DSP: variants seen among roughly 807,000 people sequenced by gnomAD.
DSP encodes desmoplakin.
Under a neutral mutation model 290.6 loss-of-function variants are expected in DSP, and 114 were observed. The observed-to-expected ratio is 0.39, with a 90% CI of 0.34 to 0.46. The LOEUF (loss-of-function observed/expected upper bound fraction) is 0.46, where lower values mean the gene tolerates loss of function less well. DSP is among the 20% of genes least tolerant of loss of function. DSP has a pLI of 0.99. For missense variants in DSP, 3,230 were observed against 3,495.8 expected (o/e 0.92, Z 1.92); for synonymous variants, 1,311 against 1,316.4 (o/e 1.00, Z 0.09).
At chr6:7,576,521 C>T in intron 19 of DSP, 65 bp downstream of exon 19, 1 of 1,597,874 alleles carries the variant, frequency 6.3e-7, no homozygotes, top group Non-Finnish European at 8.6e-7. Context: ...ATGTTTTCCT[C>T]TGGTTTTTGT....
At chr6:7,550,221 T>G (rs1429099799) in intron 1 of DSP, among the ~76,000 whole-genome samples, 3 of 151,434 alleles carry the variant, frequency 2.0e-5, no homozygotes, top group Admixed American at 6.6e-5. Flanking sequence ...CTGTTTTGTT[T>G]TTGTTTTTTT....
intron 1 of DSP, among the ~76,000 whole-genome samples, chr6:7,547,385 G>A (rs1345857638): frequency 6.6e-6 from 1 of 152,004 alleles, no homozygotes; most frequent in Non-Finnish European, 1.5e-5. Flanking sequence ...GTGAGAAGCT[G>A]CAGCAAACAG....
intron 1 of DSP, among the ~76,000 whole-genome samples, chr6:7,542,306 T>C (rs1191897267): frequency 6.6e-6 from 1 of 152,014 alleles, no homozygotes. Flanking sequence ...GGTCGTACCT[T>C]TCTCCCCTCC....
chr6:7,579,874 AGAG>A lies in DSP; in HGVS notation c.3687_3689del (p.Glu1229del). ...CCATCAAGGAGATATCCATGCAAAA[AGAG>A]GATGATTCCAAAAATCTTAGAAACC... is the stretch of plus-strand genomic sequence containing the variant. On this transcript the variant is annotated inframe_deletion, in exon 23 of 24. Transcript: ENST00000379802. This position sits in a 1 kb window ranked among gnomAD's most constrained non-coding sequence, Gnocchi z 4.1. 1 of 1,614,188 alleles carries A rather than the reference AGAG, an allele frequency of 6.2e-7. No individual in the cohort carries two copies. Among genetic ancestry groups the A allele is most frequent in the Non-Finnish European group, 8.5e-7 (1 of 1,180,038 alleles).
At chr6:7,573,990 T>C (rs557524030) in intron 15 of DSP, 96 bp from the exon 16 acceptor site, 1 of 1,261,454 alleles carries the variant, frequency 7.9e-7, no homozygotes, top group Admixed American at 1.7e-5. Flanking sequence ...TTTCACTGTG[T>C]CTATGTGTAT....
At chr6:7,571,629 T>C (rs1401796332) in intron 14 of DSP, 45 bp downstream of exon 14, 2 of 1,611,082 alleles carry the variant, frequency 1.2e-6, no homozygotes, top group Non-Finnish European at 1.7e-6. Flanking sequence ...ATCCATACCA[T>C]TTTAAAAAGA....
chr6:7,555,399 A>G (rs933067623), intron 1 of DSP, among the ~76,000 whole-genome samples: 32 of 131,078 alleles, frequency 2.4e-4, no homozygotes, highest in African/African-American at 8.5e-4. Flanking sequence ...TTAAAAAGCC[A>G]TGTTCTCAAA....
rs1351866602 is a variant in DSP, at chr6:7,558,003, G to A, written c.274-113G>A. On this transcript the variant is annotated intron_variant, in intron 2 of 23. Transcript: ENST00000379802. ...TCTCAATAAGATCATTTTCACTGGC[G>A]AAACTTACAGTTTTTGTCATGTTTA... The A allele has an allele frequency of 3.4e-5, 45 of 1,337,340 alleles. No homozygotes were observed. The East Asian group carries it at 3.9e-4, about 12-fold the overall frequency. 82.8% of individuals were successfully genotyped at this position (1,337,340 alleles called of 1,614,324 possible). A position where few individuals can be genotyped will look rare whatever the true frequency, so the allele number is the denominator to read the frequency against.
At chr6:7,559,049 T>G (rs781745758) in intron 3 of DSP, among the ~76,000 whole-genome samples, 177 bp from the exon 4 acceptor site, 5 of 152,138 alleles carry the variant, frequency 3.3e-5, no homozygotes, top group Non-Finnish European at 5.9e-5. Flanking sequence ...TAAGATTTAA[T>G]TTTTTGTATG....
Position 7,574,736 on chromosome 6 carries a change from G to A in DSP, c.2377G>A (p.Glu793Lys), listed in dbSNP as rs755067397. Residue 793 changes from glutamate (E) to lysine (K), a missense_variant, in exon 17 of 24, where the codon GAG becomes AAG. Coordinates refer to ENST00000379802, the MANE Select transcript of DSP (RefSeq NM_004415.4). ...MLKVYEARLT[E>K]EETVCLDLDK... ...AAAGGTTTATGAAGCCAGGCTCACT[G>A]AGGAGGAAACTGTCTGCCTGGACCT... 74 of 1,614,054 alleles carry A rather than the reference G, an allele frequency of 4.6e-5. No individual in the cohort carries two copies. The highest frequency in any genetic ancestry group is 6.7e-5 in the Admixed American group (4 of 60,002).
In DSP at chr6:7,582,751, A is replaced by G. The variant is rs1315179643; in HGVS notation, c.5489A>G (p.Gln1830Arg). 6.2e-7 allele frequency: 1 copy of G among 1,613,824 alleles called. No individual in the cohort carries two copies. Among genetic ancestry groups the G allele is most frequent in the Admixed American group, 1.7e-5 (1 of 59,996 alleles). ...CTGGAGCAAGACAAGGCAAGGCTGC[A>G]GAGGCTGGAGGATGAGCTGAATCGT... The part of the protein sequence containing the change: ...KVLEQDKARL[Q>R]RLEDELNRAK... The change falls in exon 24 of 24, where the codon CAG (glutamine) becomes CGG (arginine). Residue 1830 changes from glutamine (Q) to arginine (R), a missense_variant. Coordinates refer to ENST00000379802, the MANE Select transcript of DSP (RefSeq NM_004415.4). This position sits in a 1 kb window ranked among gnomAD's most constrained non-coding sequence, Gnocchi z 4.2.
intron 6 of DSP, among the ~76,000 whole-genome samples, chr6:7,564,784 T>C (rs1758805808): frequency 6.6e-6 from 1 of 150,652 alleles, no homozygotes; most frequent in South Asian, 2.1e-4. Flanking sequence ...AGATATCATG[T>C]GTACCCCCAA....
intron 20 of DSP, among the ~76,000 whole-genome samples, chr6:7,577,473 C>T (rs1468859138): frequency 6.6e-6 from 1 of 152,142 alleles, no homozygotes; most frequent in Non-Finnish European, 1.5e-5. Flanking sequence ...GGATTACAGG[C>T]ATGCACCACC....
intron 20 of DSP, among the ~76,000 whole-genome samples, chr6:7,577,359 G>A (rs555809466): frequency 4.8e-4 from 73 of 152,122 alleles, no homozygotes; most frequent in Non-Finnish European, 7.6e-4. Flanking sequence ...AGAGAGTTTC[G>A]CTCTTGCTGC....
rs992434570 is a variant in DSP, at chr6:7,559,408, G to C, written c.597+8G>C. 1 of 1,612,294 alleles carries C rather than the reference G, an allele frequency of 6.2e-7. No individual in the cohort carries two copies. On this transcript the variant is annotated splice_region_variant and intron_variant, in intron 4 of 23. Coordinates refer to ENST00000379802, the MANE Select transcript of DSP (RefSeq NM_004415.4). ...TGGATGAGGCAGCAAAGGGTAAGCA[G>C]CTTCTTGAACAGCCCAAACCTGTGC...
In DSP at chr6:7,579,967, C is replaced by T; in HGVS notation, c.3777C>T (p.Ser1259=). ...ATGAAATTGTCAGGCTCAATGACAG[C>T]ATCTTGCAGGCCACTGAGCAGCGAA... ...LKDEIVRLND[S]ILQATEQRRR... Residue 1259 remains serine (S), a synonymous_variant, in exon 23 of 24, where the codon AGC becomes AGT. Coordinates refer to ENST00000379802, the MANE Select transcript of DSP (RefSeq NM_004415.4). The surrounding 1 kb of genome is among the most constrained non-coding windows in gnomAD (Gnocchi z 4.1). The T allele has an allele frequency of 6.2e-7, 1 of 1,614,156 alleles. No individual in the cohort carries two copies. Among genetic ancestry groups the T allele is most frequent in the Non-Finnish European group, 8.5e-7 (1 of 1,180,028 alleles).
intron 9 of DSP, 146 bp downstream of exon 9, chr6:7,567,595 C>A: frequency 8.7e-7 from 1 of 1,145,266 alleles, no homozygotes; most frequent in Non-Finnish European, 1.3e-6. Context: ...CATAGATTTG[C>A]AACCTTGCCA....
intron 12 of DSP, 101 bp from the exon 13 acceptor site, chr6:7,570,336 G>A (rs966438156): frequency 2.6e-6 from 4 of 1,560,898 alleles, no homozygotes; most frequent in African/African-American, 2.7e-5. Context: ...ATCAGTGACT[G>A]TTGTAGGTTT....
At chr6:7,560,713 C>G (rs1006682371) in intron 4 of DSP, among the ~76,000 whole-genome samples, 13 of 152,170 alleles carry the variant, frequency 8.5e-5, no homozygotes, top group Non-Finnish European at 1.9e-4. Context: ...CATAGCGGAG[C>G]TGATGGGGCT....
Sources: allele counts gnomAD v4.1 joint callset (sites outside exome capture counted in the v4.1 genomes callset), GRCh38; gene constraint gnomAD v4.1.1; non-coding constraint Gnocchi (gnomAD v3.1); transcripts MANE v1.5; gene names NCBI Gene and HGNC (gene_info 2026-07-23, HGNC 2026-07-21).